The following PDE4B variants were observed in gnomAD, a reference collection of about 807,000 sequenced individuals.
PDE4B encodes phosphodiesterase 4B.
A neutral mutation model predicts 82.2 loss-of-function variants in PDE4B; 20 were observed. The ratio of observed to expected loss-of-function variants is 0.24; its 90% CI spans 0.17 to 0.35. The LOEUF is 0.35. Ranked by LOEUF, PDE4B falls within the 10% of genes least tolerant of loss-of-function variation. The pLI is 1.00. For missense variants in PDE4B, 655 were observed against 907.2 expected, an observed-to-expected ratio of 0.72 and a Z score of 3.57; for synonymous variants, 320 against 318.9, an observed-to-expected ratio of 1.00 and a Z score of -0.04.
intron 3 of PDE4B, among the ~76,000 whole-genome samples, chr1:66,061,097 G>A (rs1235953300): frequency 1.3e-5 from 2 of 151,282 alleles, no homozygotes; most frequent in African/African-American, 4.9e-5. Flanking sequence ...TTGAAAATGA[G>A]AAAGATAGCC....
intron 3 of PDE4B, among the ~76,000 whole-genome samples, chr1:66,192,260 A>G (rs888634492): frequency 4.6e-5 from 7 of 152,162 alleles, no homozygotes; most frequent in African/African-American, 1.7e-4. Flanking sequence ...GATCAGGCAG[A>G]TAAGCAAATA....
At chr1:65,801,801 A>G (rs1645697408) in intron 1 of PDE4B, among the ~76,000 whole-genome samples, 1 of 152,244 alleles carries the variant, frequency 6.6e-6, no homozygotes, top group African/African-American at 2.4e-5. Context: ...GGCAAAATGT[A>G]TAGCAAAGTG....
chr1:66,035,570 A>G (rs560231308), intron 3 of PDE4B, among the ~76,000 whole-genome samples: 1 of 152,228 alleles, frequency 6.6e-6, no homozygotes, highest in East Asian at 1.9e-4. Context: ...TATAAGTGAG[A>G]TTATACAGTG....
intron 1 of PDE4B, among the ~76,000 whole-genome samples, chr1:65,859,788 A>G (rs1263283575): frequency 6.6e-6 from 1 of 152,252 alleles, no homozygotes; most frequent in East Asian, 1.9e-4. Flanking sequence ...AACATTATAT[A>G]TCACATTAAA....
At chr1:65,923,235 C>G (rs1444806911) in intron 3 of PDE4B, among the ~76,000 whole-genome samples, 1 of 152,174 alleles carries the variant, frequency 6.6e-6, no homozygotes, top group African/African-American at 2.4e-5. Flanking sequence ...TCGTATAATA[C>G]CAGGTCTCTG....
intron 3 of PDE4B, among the ~76,000 whole-genome samples, chr1:66,171,789 C>A (rs809141): frequency 0.89 from 135,407 of 152,234 alleles, 60,497 homozygotes; most frequent in East Asian, 1. Flanking sequence ...CAGCATAGTT[C>A]CTGGCACATA....
intron 3 of PDE4B, among the ~76,000 whole-genome samples, chr1:66,196,334 A>G (rs1648294139): frequency 6.6e-6 from 1 of 152,192 alleles, no homozygotes; most frequent in Non-Finnish European, 1.5e-5. Flanking sequence ...ATGATGCCCT[A>G]GGCCTTTTTC....
chr1:65,918,951 T>C, intron 3 of PDE4B, 116 bp downstream of exon 3: 1 of 674,656 alleles, frequency 1.5e-6, no homozygotes, highest in Non-Finnish European at 2.6e-6. Flanking sequence ...ATGATTGACA[T>C]TTTGAGAATT....
At chr1:66,371,650 GT>G (rs1164495150) in intron 16 of PDE4B, among the ~76,000 whole-genome samples, 1 of 152,164 alleles carries the variant, frequency 6.6e-6, no homozygotes, top group Non-Finnish European at 1.5e-5. Flanking sequence ...GGGGATATGT[GT>G]TTCTTTCAGG....
At chr1:66,169,853 C>T (rs972704952) in intron 3 of PDE4B, among the ~76,000 whole-genome samples, 3 of 152,180 alleles carry the variant, frequency 2.0e-5, no homozygotes, top group Admixed American at 1.3e-4. Context: ...ATCCTACACG[C>T]ATCATGGGAA....
Position 66,188,720 on chromosome 1 carries a change from A to T in PDE4B, c.282-58740A>T, listed in dbSNP as rs186301274. On this transcript the variant is annotated intron_variant, in intron 3 of 16. Transcript: ENST00000341517. ...TCCTCCATGCCTTTATTTTGAGCCT[A>T]TGTGTGTCTCTGCACATGAGATGGG... Among the ~76,000 whole-genome samples the T allele has an allele frequency of 7.9e-5, 12 of 151,750 alleles. No homozygotes were observed. In the East Asian group the frequency reaches 2.3e-3, roughly 29 times the overall value.
At chr1:66,110,508 A>G (rs1233635418) in intron 3 of PDE4B, among the ~76,000 whole-genome samples, 3 of 152,092 alleles carry the variant, frequency 2.0e-5, no homozygotes, top group Non-Finnish European at 4.4e-5. Flanking sequence ...CATAGAGCAC[A>G]GGTCCTGGCA....
chr1:65,980,962 A>G (rs1344120900), intron 3 of PDE4B, among the ~76,000 whole-genome samples: 1 of 152,218 alleles, frequency 6.6e-6, no homozygotes, highest in African/African-American at 2.4e-5. Flanking sequence ...TATAGATAAT[A>G]TAGCACAAAT....
At chr1:65,869,584 A>T (rs1646549886) in intron 1 of PDE4B, among the ~76,000 whole-genome samples, 1 of 152,202 alleles carries the variant, frequency 6.6e-6, no homozygotes, top group African/African-American at 2.4e-5. Flanking sequence ...ATTAGTTGTC[A>T]GTTCTCAATG....
chr1:66,161,558 A>G (rs1424361297), intron 3 of PDE4B, among the ~76,000 whole-genome samples: 1 of 152,188 alleles, frequency 6.6e-6, no homozygotes, highest in Non-Finnish European at 1.5e-5. Context: ...GAGATGTTTT[A>G]ATGCAAATTA....
chr1:66,307,514 G>A (rs181960993), intron 7 of PDE4B, among the ~76,000 whole-genome samples: 1 of 152,126 alleles, frequency 6.6e-6, no homozygotes, highest in East Asian at 1.9e-4. Context: ...TCATCAGTGA[G>A]GTAGAAAGTT....
In PDE4B at chr1:66,257,657, G is replaced by A; in HGVS notation, c.487G>A (p.Asp163Asn). Residue 163 changes from aspartate (D) to asparagine (N), a missense_variant, in exon 5 of 17, where the codon GAC (aspartate) becomes AAC (asparagine). Physicochemically the swap from Asp to Asn is conservative, Grantham distance 23. Around this residue, in one of 3 missense-constraint regions of PDE4B, gnomAD observed 253 missense variants for 275.6 expected, o/e 0.92. Coordinates refer to ENST00000341517, the MANE Select transcript of PDE4B (RefSeq NM_002600.4). ...TTCTCTTTTCACCAGACACGGCGAT[G>A]ACTTGATTGTAACTCCTTTTGCCCA... ...SSLPSEQHGD[D>N]LIVTPFAQVL... The A allele has an allele frequency of 6.2e-7, 1 of 1,613,694 alleles. No homozygotes were observed. Among genetic ancestry groups the A allele is most frequent in the Non-Finnish European group, 8.5e-7 (1 of 1,179,666 alleles).
intron 3 of PDE4B, among the ~76,000 whole-genome samples, chr1:66,079,526 T>C (rs1402262673): frequency 2.6e-5 from 4 of 152,118 alleles, no homozygotes; most frequent in Non-Finnish European, 1.5e-5. Context: ...TAATGCCATG[T>C]AATGCCACTC....
chr1:66,056,294 CGA>C (rs968593612), intron 3 of PDE4B, among the ~76,000 whole-genome samples: 1 of 151,996 alleles, frequency 6.6e-6, no homozygotes. Flanking sequence ...AGAAAGGCAA[CGA>C]GAGAGAGATG....
Sources: gnomAD v4.1 joint callset for allele counts (sites outside exome capture counted in the v4.1 genomes callset) on GRCh38, gnomAD v4.1.1 for gene constraint, gnomAD v4.1.1 regional missense constraint, MANE v1.5 for transcripts, NCBI Gene and HGNC (gene_info 2026-07-23, HGNC 2026-07-21) for gene names.